PRKD1: variants seen among roughly 807,000 people sequenced by gnomAD.
The protein encoded by PRKD1 is protein kinase D1.
Under a neutral mutation model 95.9 loss-of-function variants are expected in PRKD1, and 63 were observed. The ratio of observed to expected loss-of-function variants is 0.66; its 90% CI spans 0.54 to 0.81. The LOEUF is 0.81. PRKD1 is among the 30% of genes least tolerant of loss of function. PRKD1 has a pLI of 0.00. For synonymous variants in PRKD1, 425 were observed against 423.1 expected, an observed-to-expected ratio of 1.00 and a Z score of -0.05; for missense variants, 1,048 against 1,165.3, an observed-to-expected ratio of 0.90 and a Z score of 1.47.
At chr14:29,790,753 C>T (rs1889507264) in intron 1 of PRKD1, among the ~76,000 whole-genome samples, 1 of 152,188 alleles carries the variant, frequency 6.6e-6, no homozygotes, top group African/African-American at 2.4e-5. Context: ...CATTCACTCA[C>T]AGAACAAACA....
chr14:29,737,797 T>C (rs1026779738), intron 1 of PRKD1, among the ~76,000 whole-genome samples: 2 of 152,168 alleles, frequency 1.3e-5, no homozygotes, highest in African/African-American at 4.8e-5. Context: ...TACTGGATCA[T>C]TTGAGAGAAC....
intron 1 of PRKD1, among the ~76,000 whole-genome samples, chr14:29,752,188 T>A (rs1887507027): frequency 6.6e-6 from 1 of 152,214 alleles, no homozygotes; most frequent in Admixed American, 6.5e-5. Context: ...AATAAATGTG[T>A]TTCACATTTT....
rs374234609 is a variant in PRKD1, at chr14:29,794,379, C to G, written c.265-68705G>C. Reference sequence around the variant, plus strand: ...AAGTACTCCTGCCCCTAAATATCATCTATAAATTATCAAGGTTTTTTTTGA... The same window carrying G: ...AAGTACTCCTGCCCCTAAATATCATGTATAAATTATCAAGGTTTTTTTTGA... On this transcript the variant is annotated intron_variant, in intron 1 of 17. Transcript: ENST00000331968. Among the ~76,000 whole-genome samples the G allele has an allele frequency of 1.2e-3, 175 of 152,076 alleles. 1 individual carries two copies. The South Asian group carries it at 0.03, about 26-fold the overall frequency.
intron 1 of PRKD1, among the ~76,000 whole-genome samples, chr14:29,768,768 T>A (rs1888375753): frequency 6.6e-6 from 1 of 151,914 alleles, no homozygotes. Flanking sequence ...CTTTGTCATC[T>A]ACAAACACTA....
At chr14:29,578,157 TA>T in intron 17 of PRKD1, 117 bp downstream of exon 17, 1 of 795,138 alleles carries the variant, frequency 1.3e-6, no homozygotes, top group Non-Finnish European at 2.0e-6. Context: ...TTTGAGCAAA[TA>T]AATTGATATT....
intron 1 of PRKD1, among the ~76,000 whole-genome samples, chr14:29,922,128 C>T (rs1432088499): frequency 6.6e-6 from 1 of 151,656 alleles, no homozygotes; most frequent in Non-Finnish European, 1.5e-5. Flanking sequence ...GGTGAAACCC[C>T]ATCTCTACTA....
intron 2 of PRKD1, among the ~76,000 whole-genome samples, chr14:29,690,882 T>C (rs965261459): frequency 2.6e-5 from 4 of 152,314 alleles, no homozygotes; most frequent in East Asian, 3.9e-4. Flanking sequence ...TTAAACTTCA[T>C]TGGACTTCTC....
chr14:29,615,579 C>T lies in PRKD1; in HGVS notation c.1905+8573G>A, dbSNP rs76064158. On this transcript the variant is annotated intron_variant, in intron 13 of 17. Coordinates refer to ENST00000331968, the MANE Select transcript of PRKD1 (RefSeq NM_002742.3). ...GCCAATGCCGGGCTTCTCTTCGAAGCTCTCCCTGATTCCAACGCTCTGGAA... is the reference window on the plus strand; with the variant it reads ...GCCAATGCCGGGCTTCTCTTCGAAGTTCTCCCTGATTCCAACGCTCTGGAA... Among the ~76,000 whole-genome samples, 875 of 152,332 alleles carry T rather than the reference C, an allele frequency of 5.7e-3. 10 individuals are homozygous for T. The highest frequency in any genetic ancestry group is 0.02 in the African/African-American group (828 of 41,580).
intron 2 of PRKD1, among the ~76,000 whole-genome samples, chr14:29,701,440 ACTTTCT>A (rs1181368399): frequency 1.3e-5 from 2 of 152,152 alleles, no homozygotes; most frequent in Non-Finnish European, 2.9e-5. Flanking sequence ...CAAAAGCATG[ACTTTCT>A]CTTTCTCCCA....
chr14:29,818,467 G>A (rs150590359), intron 1 of PRKD1, among the ~76,000 whole-genome samples: 2 of 152,122 alleles, frequency 1.3e-5, no homozygotes, highest in East Asian at 1.9e-4. Flanking sequence ...TTAAGTACCT[G>A]TAGTCAAAAT....
chr14:29,875,569 G>C (rs1893257499), intron 1 of PRKD1, among the ~76,000 whole-genome samples: 2 of 152,038 alleles, frequency 1.3e-5, no homozygotes, highest in South Asian at 4.2e-4. Flanking sequence ...CTTGACAAAA[G>C]AATTATAAGA....
At chr14:29,730,446 A>G (rs1255216884) in intron 1 of PRKD1, among the ~76,000 whole-genome samples, 1 of 152,136 alleles carries the variant, frequency 6.6e-6, no homozygotes, top group Non-Finnish European at 1.5e-5. Flanking sequence ...CACTATAAAA[A>G]CAGTATGGAG....
chr14:29,616,871 G>C (rs1878901002), intron 13 of PRKD1, among the ~76,000 whole-genome samples: 1 of 152,078 alleles, frequency 6.6e-6, no homozygotes, highest in South Asian at 2.1e-4. Context: ...GTGTTGTAGG[G>C]GTTTGGTATA....
intron 1 of PRKD1, among the ~76,000 whole-genome samples, chr14:29,922,174 G>A (rs184401246): frequency 3.3e-5 from 5 of 151,970 alleles, no homozygotes; most frequent in East Asian, 1.9e-4. Context: ...GGTGGCAGGC[G>A]CCTGTAGTCC....
intron 1 of PRKD1, among the ~76,000 whole-genome samples, chr14:29,819,465 C>T (rs899741596): frequency 5.3e-5 from 8 of 151,910 alleles, no homozygotes; most frequent in Non-Finnish European, 8.8e-5. Flanking sequence ...CCGAGGCAGG[C>T]GGATCACGAG....
At chr14:29,680,915 A>G (rs1329186175) in intron 2 of PRKD1, among the ~76,000 whole-genome samples, 1 of 152,212 alleles carries the variant, frequency 6.6e-6, no homozygotes, top group Non-Finnish European at 1.5e-5. Context: ...AACCAGGAGC[A>G]CTCAGTGTCA....
At chr14:29,890,827 A>T (rs1893912847) in intron 1 of PRKD1, among the ~76,000 whole-genome samples, 1 of 152,194 alleles carries the variant, frequency 6.6e-6, no homozygotes, top group African/African-American at 2.4e-5. Flanking sequence ...AAGATATATA[A>T]TTTTGATTAT....
chr14:29,741,067 A>G (rs984690679), intron 1 of PRKD1, among the ~76,000 whole-genome samples: 1 of 152,052 alleles, frequency 6.6e-6, no homozygotes, highest in African/African-American at 2.4e-5. Flanking sequence ...GAACTTAGGG[A>G]TACAAAGAAA....
chr14:29,661,815 T>C (rs1025433919), intron 4 of PRKD1, among the ~76,000 whole-genome samples: 2 of 152,228 alleles, frequency 1.3e-5, no homozygotes, highest in Non-Finnish European at 2.9e-5. Context: ...AAGTATCTTG[T>C]GGCTCCAATA....
Sources: gnomAD v4.1 joint callset for allele counts (sites outside exome capture counted in the v4.1 genomes callset) on GRCh38, gnomAD v4.1.1 for gene constraint, MANE v1.5 for transcripts, NCBI Gene and HGNC (gene_info 2026-07-23, HGNC 2026-07-21) for gene names.